DPY19L3: variants seen among roughly 807,000 people sequenced by gnomAD.
DPY19L3 encodes dpy-19 like C-mannosyltransferase 3, also known as protein C-mannosyl-transferase DPY19L3.
In DPY19L3, 51 loss-of-function variants were observed where a neutral mutation model predicts 92.3. That is an observed-to-expected ratio of 0.55 (90% CI 0.44 to 0.70). The LOEUF (loss-of-function observed/expected upper bound fraction) is 0.70, where lower values mean the gene tolerates loss of function less well. Ranked by LOEUF, DPY19L3 falls within the 30% of genes least tolerant of loss-of-function variation. The pLI, the probability that DPY19L3 is intolerant of heterozygous loss-of-function variation, is 0.00. For missense variants in DPY19L3, 706 were observed against 855.9 expected (o/e 0.82, Z 2.18); for synonymous variants, 309 against 315.2 (o/e 0.98, Z 0.21).
At chr19:32,465,400 T>C (rs1156900604) in intron 15 of DPY19L3, among the ~76,000 whole-genome samples, 3 of 152,260 alleles carry the variant, frequency 2.0e-5, no homozygotes, top group Non-Finnish European at 4.4e-5. Context: ...GTCACATCTT[T>C]GACATTGGCA....
intron 3 of DPY19L3, among the ~76,000 whole-genome samples, chr19:32,416,534 T>C (rs1244439261): frequency 6.6e-6 from 1 of 152,182 alleles, no homozygotes; most frequent in East Asian, 1.9e-4. Flanking sequence ...CACCACCCAC[T>C]CAGGTTCAAT....
chr19:32,477,617 A>G lies in DPY19L3; in HGVS notation c.1793A>G (p.His598Arg). 1 of 1,614,122 alleles carries G rather than the reference A, an allele frequency of 6.2e-7. No homozygotes were observed. The highest frequency in any genetic ancestry group is 1.3e-5 in the African/African-American group (1 of 75,016). ...CTGRTLTNHP[H>R]YEDSSLRERT... ...GGAAGGACCCTAACCAACCACCCGC[A>G]CTATGAAGACAGCAGCCTGAGAGAG... The change falls in exon 17 of 19, where the codon CAC (histidine) becomes CGC (arginine). Residue 598 changes from histidine (H) to arginine (R), a missense_variant. Transcript: ENST00000392250.
chr19:32,438,291 A>G (rs1022460477), intron 6 of DPY19L3, among the ~76,000 whole-genome samples: 63 of 152,164 alleles, frequency 4.1e-4, no homozygotes, highest in African/African-American at 1.4e-3. Context: ...CTGTATGCCA[A>G]GCACTTTACA....
intron 16 of DPY19L3, among the ~76,000 whole-genome samples, chr19:32,469,669 T>G (rs1350995436): frequency 6.6e-6 from 1 of 152,132 alleles, no homozygotes; most frequent in Non-Finnish European, 1.5e-5. Flanking sequence ...ACCTGGAACT[T>G]TCCGTCTTGA....
chr19:32,426,663 G>A lies in DPY19L3; in HGVS notation c.238-6053G>A, dbSNP rs574209714. ...CAGAACACACACATTTCAGTTCACCGTCTTACATGGGTGTGGTTTATTGTG... is the reference window on the plus strand; with the variant it reads ...CAGAACACACACATTTCAGTTCACCATCTTACATGGGTGTGGTTTATTGTG... On this transcript the variant is annotated intron_variant, in intron 3 of 18. Coordinates refer to ENST00000392250, the MANE Select transcript of DPY19L3 (RefSeq NM_001172774.2). Among the ~76,000 whole-genome samples, 16 of 152,288 alleles carry A rather than the reference G, an allele frequency of 1.1e-4. No individual in the cohort carries two copies. The South Asian group carries it at 3.3e-3, about 32-fold the overall frequency.
rs1970703942 is a variant in DPY19L3, at chr19:32,482,477, C to T, written c.*237C>T. 19 of 452,854 alleles carry T rather than the reference C, an allele frequency of 4.2e-5. No homozygotes were observed. In the East Asian group the frequency reaches 7.4e-4, roughly 18 times the overall value. 28.1% of individuals were successfully genotyped at this position (452,854 alleles called of 1,614,324 possible). On this transcript the variant is annotated 3_prime_UTR_variant, in exon 19 of 19. Transcript: ENST00000392250. ...TGTTCTTTAGCCTAAATGTTAACAA[C>T]TTTCTAAGAGTGACCTAGAATTATG...
chr19:32,435,060 A>G (rs949913045), intron 4 of DPY19L3, among the ~76,000 whole-genome samples: 10 of 152,118 alleles, frequency 6.6e-5, no homozygotes, highest in African/African-American at 2.4e-4. Context: ...TCCAAGATCC[A>G]CCTGCTGTTA....
chr19:32,467,078 G>A (rs1460925284), intron 15 of DPY19L3, among the ~76,000 whole-genome samples: 1 of 152,182 alleles, frequency 6.6e-6, no homozygotes, highest in African/African-American at 2.4e-5. Context: ...AGGGAAAAAA[G>A]CATGTACTAG....
At chr19:32,434,220 C>T (rs548892910) in intron 4 of DPY19L3, among the ~76,000 whole-genome samples, 1 of 152,186 alleles carries the variant, frequency 6.6e-6, no homozygotes, top group Admixed American at 6.5e-5. Context: ...ATACTTTAGC[C>T]TCTGGCATGC....
chr19:32,482,093 A>G lies in DPY19L3; in HGVS notation c.2004A>G (p.Pro668=), dbSNP rs750880582. ...DIANGHMMDG[P]GENDPDLKPA... is the part of the protein sequence containing the mutation. ...TTTGGTTTTAGATGATGGATGGCCC[A>G]GGAGAGAATGATCCTGATTTGAAAC... Residue 668 remains proline, a synonymous_variant, in exon 19 of 19, where the codon CCA becomes CCG. Transcript: ENST00000392250. 1 of 1,613,616 alleles carries G rather than the reference A, an allele frequency of 6.2e-7. No homozygotes were observed. The highest frequency in any genetic ancestry group is 1.1e-5 in the South Asian group (1 of 91,002).
intron 12 of DPY19L3, among the ~76,000 whole-genome samples, chr19:32,461,548 G>A (rs1468496): frequency 0.87 from 132,770 of 152,248 alleles, 58,253 homozygotes; most frequent in African/African-American, 0.97. Context: ...GTACCAATAT[G>A]GAAACCAGTG....
At chr19:32,462,777 A>G (rs972426879) in intron 12 of DPY19L3, among the ~76,000 whole-genome samples, 5 of 152,218 alleles carry the variant, frequency 3.3e-5, no homozygotes, top group African/African-American at 1.2e-4. Context: ...GAAAAAAGCA[A>G]TTGATGCAAA....
At chr19:32,410,536 T>C (rs1968143669) in intron 2 of DPY19L3, among the ~76,000 whole-genome samples, 1 of 152,164 alleles carries the variant, frequency 6.6e-6, no homozygotes, top group Admixed American at 6.6e-5. Flanking sequence ...CCCAGCACTT[T>C]AGGATCCCAG....
Position 32,480,569 on chromosome 19 carries a change from G to T in DPY19L3, c.1989+12G>T, listed in dbSNP as rs755191794. 1 of 1,608,814 alleles carries T rather than the reference G, an allele frequency of 6.2e-7. No homozygotes were observed. The highest frequency in any genetic ancestry group is 8.5e-7 in the Non-Finnish European group (1 of 1,177,634). Reference sequence around the variant, plus strand: ...TTGCCAACGGCCACGTGAGCATGCTGCCTCTCCCTGTGTGGGGGTCTCCTG... The same window carrying T: ...TTGCCAACGGCCACGTGAGCATGCTTCCTCTCCCTGTGTGGGGGTCTCCTG... On this transcript the variant is annotated intron_variant, in intron 18 of 18. Transcript: ENST00000392250.
chr19:32,406,152 G>T (rs1967936078), intron 1 of DPY19L3: 1 of 151,628 alleles, frequency 6.6e-6, no homozygotes, highest in Non-Finnish European at 1.5e-5. Flanking sequence ...TCTGCTCGTC[G>T]GCCGTGCGGC....
intron 8 of DPY19L3, among the ~76,000 whole-genome samples, chr19:32,440,631 A>G (rs1395916802): frequency 6.6e-6 from 1 of 152,192 alleles, no homozygotes; most frequent in Non-Finnish European, 1.5e-5. Context: ...GAATTAAGAA[A>G]CATAAAAGTC....
At position 32,458,395 on chromosome 19, in the gene DPY19L3, T is replaced by G. The variant is rs1179745227; in HGVS notation, c.1208T>G (p.Leu403Arg). 6.2e-7 allele frequency: 1 copy of G among 1,613,714 alleles called. No homozygotes were observed. The highest frequency in any genetic ancestry group is 1.3e-5 in the African/African-American group (1 of 74,940). ...TATCTGTGTGAAGAAGCTTTTGGCC[T>G]CCTGCCTTTTAATACATTTGGAAGG... ...NLYLCEEAFG[L>R]LPFNTFGRLS... The change falls in exon 12 of 19, where the codon CTC (leucine) becomes CGC (arginine). Residue 403 changes from leucine (L) to arginine (R), a missense_variant. Physicochemically the swap from Leu to Arg is moderately radical, Grantham distance 102. Coordinates refer to ENST00000392250, the MANE Select transcript of DPY19L3 (RefSeq NM_001172774.2).
At chr19:32,479,701 G>A (rs1568364667) in intron 17 of DPY19L3, 2 of 363,668 alleles carry the variant, frequency 5.5e-6, no homozygotes, top group Admixed American at 3.5e-5. Flanking sequence ...TTCCATTCCA[G>A]CCCCAGAATC....
At chr19:32,468,524 G>A in intron 15 of DPY19L3, 1 of 1,220,674 alleles carries the variant, frequency 8.2e-7, no homozygotes, top group East Asian at 3.4e-5. Flanking sequence ...ATTAGTTTCA[G>A]CTGAAGATAA....
Sources: gnomAD v4.1 joint callset for allele counts (sites outside exome capture counted in the v4.1 genomes callset) on GRCh38, gnomAD v4.1.1 for gene constraint, MANE v1.5 for transcripts, NCBI Gene and HGNC (gene_info 2026-07-23, HGNC 2026-07-21) for gene names.